PDE3B: variants seen among roughly 807,000 people sequenced by gnomAD.
PDE3B encodes the protein cGMP-inhibited 3',5'-cyclic phosphodiesterase 3B.
In PDE3B, 66 loss-of-function variants were observed where a neutral mutation model predicts 116.8. The observed-to-expected ratio is 0.56, with a 90% CI of 0.46 to 0.69. The LOEUF (loss-of-function observed/expected upper bound fraction) is 0.69, where lower values mean the gene tolerates loss of function less well. PDE3B is among the 30% of genes least tolerant of loss of function. The pLI is 0.00. For missense variants in PDE3B, 1,384 were observed against 1,368.1 expected (o/e 1.01, Z -0.18); for synonymous variants, 595 against 533.6 (o/e 1.12, Z -1.59).
intron 5 of PDE3B, among the ~76,000 whole-genome samples, chr11:14,808,781 A>C (rs748586236): frequency 6.6e-6 from 1 of 152,220 alleles, no homozygotes; most frequent in Admixed American, 6.5e-5. Context: ...GTTAGCATTG[A>C]AAAAATCTTT....
chr11:14,829,618 C>T (rs2133960878), intron 7 of PDE3B, among the ~76,000 whole-genome samples: 1 of 152,098 alleles, frequency 6.6e-6, no homozygotes, highest in South Asian at 2.1e-4. Context: ...AATACTGTCA[C>T]TTATAAGTGG....
chr11:14,879,222 G>A, the PDE3B span: 4 of 1,613,272 alleles, frequency 2.5e-6, no homozygotes, highest in Non-Finnish European at 2.5e-6. Context: ...TCATCAAAGT[G>A]TACAGAATAA....
intron 1 of PDE3B, among the ~76,000 whole-genome samples, chr11:14,697,517 G>T (rs1032039915): frequency 6.6e-6 from 1 of 152,060 alleles, no homozygotes; most frequent in Non-Finnish European, 1.5e-5. Flanking sequence ...AAGTCTGGTA[G>T]TGTCAGTTCT....
chr11:14,807,645 A>G, intron 5 of PDE3B, among the ~76,000 whole-genome samples: 1 of 152,252 alleles, frequency 6.6e-6, no homozygotes, highest in East Asian at 1.9e-4. Context: ...ACTTTATTAC[A>G]TTAAATATAC....
chr11:14,709,065 A>G (rs1336039622), intron 1 of PDE3B, among the ~76,000 whole-genome samples: 1 of 152,142 alleles, frequency 6.6e-6, no homozygotes, highest in Non-Finnish European at 1.5e-5. Context: ...TAGTACAATG[A>G]TCAAGTGTTA....
intron 1 of PDE3B, among the ~76,000 whole-genome samples, chr11:14,663,611 G>A (rs927807138): frequency 6.6e-6 from 1 of 152,156 alleles, no homozygotes; most frequent in East Asian, 1.9e-4. Context: ...AAAGGCAGGG[G>A]TTGCAATCCT....
chr11:14,710,121 G>A (rs1237033135), intron 1 of PDE3B, among the ~76,000 whole-genome samples: 1 of 152,112 alleles, frequency 6.6e-6, no homozygotes, highest in African/African-American at 2.4e-5. Flanking sequence ...CCAAGTTTTG[G>A]ATTCTCTGAA....
At chr11:14,760,547 T>C (rs1857331285) in intron 1 of PDE3B, among the ~76,000 whole-genome samples, 1 of 152,190 alleles carries the variant, frequency 6.6e-6, no homozygotes, top group Non-Finnish European at 1.5e-5. Context: ...GTTATCCTCA[T>C]TGACCATCAG....
At chr11:14,713,695 T>TACACACACAC (rs68083046) in intron 1 of PDE3B, among the ~76,000 whole-genome samples, 73 of 149,888 alleles carry the variant, frequency 4.9e-4, no homozygotes, top group African/African-American at 1.8e-3. Flanking sequence ...AAAAAATCTT[T>TACACACACAC]ACACACACAC....
intron 1 of PDE3B, among the ~76,000 whole-genome samples, chr11:14,732,630 C>A (rs1590099520): frequency 6.6e-6 from 1 of 152,056 alleles, no homozygotes; most frequent in Admixed American, 6.6e-5. Flanking sequence ...TCAAACAGGG[C>A]AATTTAAAAT....
chr11:14,832,144 C>T (rs1487501482), intron 9 of PDE3B, among the ~76,000 whole-genome samples: 2 of 151,920 alleles, frequency 1.3e-5, no homozygotes, highest in Non-Finnish European at 2.9e-5. Context: ...TACCCAAGGC[C>T]GGATGATTCA....
intron 1 of PDE3B, among the ~76,000 whole-genome samples, chr11:14,681,761 T>G (rs1180664162): frequency 6.6e-6 from 1 of 152,194 alleles, no homozygotes; most frequent in South Asian, 2.1e-4. Context: ...TATTCTGTGA[T>G]GTTGCTGAAT....
chr11:14,797,896 TCTC>T (rs565184136), intron 4 of PDE3B, among the ~76,000 whole-genome samples: 5 of 152,174 alleles, frequency 3.3e-5, no homozygotes, highest in East Asian at 1.9e-4. Context: ...TTTGACTTCC[TCTC>T]CTCCTAATTG....
intron 6 of PDE3B, among the ~76,000 whole-genome samples, chr11:14,818,786 A>G (rs1324991445): frequency 6.6e-6 from 1 of 152,092 alleles, no homozygotes; most frequent in East Asian, 1.9e-4. Flanking sequence ...CTAAAATATA[A>G]TGGTATTCTA....
intron 1 of PDE3B, among the ~76,000 whole-genome samples, chr11:14,646,783 A>G (rs1364112882): frequency 6.6e-6 from 1 of 152,124 alleles, no homozygotes; most frequent in African/African-American, 2.4e-5. Flanking sequence ...GCATAGCTAT[A>G]TATGTATATA....
intron 1 of PDE3B, among the ~76,000 whole-genome samples, chr11:14,749,988 A>G (rs962305657): frequency 2.1e-5 from 3 of 146,050 alleles, no homozygotes; most frequent in Admixed American, 1.4e-4. Context: ...CAGTAGTGTA[A>G]GTTCCAATCT....
intron 1 of PDE3B, among the ~76,000 whole-genome samples, chr11:14,758,245 C>T (rs1857253934): frequency 6.6e-6 from 1 of 151,262 alleles, no homozygotes; most frequent in Non-Finnish European, 1.5e-5. Context: ...TGTGATGCCT[C>T]CAGCTTTGTT....
At chr11:14,753,749 T>G (rs1053514417) in intron 1 of PDE3B, among the ~76,000 whole-genome samples, 1 of 152,104 alleles carries the variant, frequency 6.6e-6, no homozygotes, top group Admixed American at 6.6e-5. Context: ...TTTAAATATT[T>G]TAGTACATAA....
intron 1 of PDE3B, among the ~76,000 whole-genome samples, chr11:14,731,255 ATT>A (rs778089171): frequency 5.9e-4 from 72 of 121,088 alleles, no homozygotes; most frequent in African/African-American, 1.3e-3. Flanking sequence ...TTTTACTTTG[ATT>A]TTTTTTTTTT....
Sources: allele counts gnomAD v4.1 joint callset (sites outside exome capture counted in the v4.1 genomes callset), GRCh38; gene constraint gnomAD v4.1.1; transcripts MANE v1.5; gene names NCBI Gene and HGNC (gene_info 2026-07-23, HGNC 2026-07-21).